The following CEP63 variants were observed in gnomAD, a reference collection of about 807,000 sequenced individuals.
The protein encoded by CEP63 is centrosomal protein of 63 kDa.
A neutral mutation model predicts 89.1 loss-of-function variants in CEP63; 84 were observed. The ratio of observed to expected loss-of-function variants is 0.94; its 90% CI spans 0.79 to 1.13. CEP63 has a LOEUF of 1.13. Ranked by LOEUF, CEP63 falls within the 50% of genes most tolerant of loss-of-function variation. CEP63 has a pLI of 0.00. For synonymous variants in CEP63, 267 were observed against 272.5 expected (o/e 0.98, Z 0.20); for missense variants, 838 against 813.3 (o/e 1.03, Z -0.37).
At chr3:134,742,346 A>C in the CEP63 span, among the ~76,000 whole-genome samples, 1 of 152,144 alleles carries the variant, frequency 6.6e-6, no homozygotes, top group Non-Finnish European at 1.5e-5. Context: ...TGTCTGGTGG[A>C]TGGCAACAAG....
the CEP63 span, among the ~76,000 whole-genome samples, chr3:134,736,848 A>G: frequency 6.6e-6 from 1 of 152,202 alleles, no homozygotes; most frequent in Non-Finnish European, 1.5e-5. Flanking sequence ...ATGGGCCAAG[A>G]ATAGTCAAGC....
At chr3:134,516,178 A>G (rs1283827159) in intron 3 of CEP63, among the ~76,000 whole-genome samples, 1 of 152,212 alleles carries the variant, frequency 6.6e-6, no homozygotes, top group East Asian at 1.9e-4. Context: ...AGAGAAGGTC[A>G]GCAGACAAAC....
chr3:134,644,207 G>T, the CEP63 span, among the ~76,000 whole-genome samples: 1 of 152,282 alleles, frequency 6.6e-6, no homozygotes, highest in South Asian at 2.1e-4. Flanking sequence ...TGTGTAGTTT[G>T]GTTCTGTTTC....
intron 1 of CEP63, among the ~76,000 whole-genome samples, chr3:134,494,977 G>A (rs529838355): frequency 6.6e-5 from 10 of 152,190 alleles, no homozygotes; most frequent in South Asian, 2.1e-4. Context: ...TTGTGTATCC[G>A]TCTGCTAGAG....
intron 1 of CEP63, among the ~76,000 whole-genome samples, chr3:134,495,059 C>A (rs996871959): frequency 6.6e-6 from 1 of 152,194 alleles, no homozygotes; most frequent in Admixed American, 6.5e-5. Flanking sequence ...TTGATATTTA[C>A]ACGGAGAGAG....
chr3:134,722,947 C>G, the CEP63 span, among the ~76,000 whole-genome samples: 1 of 152,200 alleles, frequency 6.6e-6, no homozygotes, highest in Non-Finnish European at 1.5e-5. Context: ...CCACTGCAAG[C>G]CTTTTCCAGA....
chr3:134,626,038 C>A, the CEP63 span, among the ~76,000 whole-genome samples: 3 of 152,380 alleles, frequency 2.0e-5, no homozygotes, highest in African/African-American at 4.8e-5. Context: ...GGACAGCAGA[C>A]CCCTGTCCCG....
chr3:134,532,682 G>A, intron 4 of CEP63, 96 bp from the exon 5 acceptor site: 1 of 948,328 alleles, frequency 1.1e-6, no homozygotes, highest in Non-Finnish European at 1.7e-6. Context: ...CAGTAGTACT[G>A]GTTAGCACTG....
intron 1 of CEP63, among the ~76,000 whole-genome samples, chr3:134,489,142 C>T (rs1358026200): frequency 4.3e-5 from 6 of 139,162 alleles, no homozygotes; most frequent in South Asian, 2.2e-4. Context: ...GCCTGGGTGA[C>T]GGAGCGAGAC....
chr3:134,552,506 A>T (rs1955147830), intron 12 of CEP63: 1 of 153,616 alleles, frequency 6.5e-6, no homozygotes, highest in Non-Finnish European at 1.5e-5. Context: ...CTCGGCCAGG[A>T]AGGTATTTTT....
Position 134,559,306 on chromosome 3 carries a change from G to T in CEP63, c.1830G>T (p.Arg610Ser). ...SPQISPCSST[R>S]SLTSYSLCKT... ...AAATCAGCCCTTGCAGCTCCACCAG[G>T]TCTTTGACTTCCTACTCTCTATGTA... Residue 610 changes from arginine (R) to serine (S), a missense_variant, in exon 14 of 15, where the codon AGG becomes AGT. Physicochemically the swap from Arg to Ser is moderately radical, Grantham distance 110. Transcript: ENST00000675561. The T allele has an allele frequency of 6.2e-7, 1 of 1,614,092 alleles. No individual in the cohort carries two copies.
chr3:134,776,658 T>G, the CEP63 span, among the ~76,000 whole-genome samples: 1 of 152,158 alleles, frequency 6.6e-6, no homozygotes, highest in African/African-American at 2.4e-5. Context: ...TTGGGGCAGC[T>G]GGCTGAGCCT....
the CEP63 span, among the ~76,000 whole-genome samples, chr3:134,624,229 C>T: frequency 1.3e-5 from 2 of 152,202 alleles, no homozygotes; most frequent in African/African-American, 4.8e-5. Flanking sequence ...CCCCTCTGCC[C>T]CTAGCTCAGG....
chr3:134,676,035 TAC>T, the CEP63 span, among the ~76,000 whole-genome samples: 1 of 152,224 alleles, frequency 6.6e-6, no homozygotes, highest in South Asian at 2.1e-4. Flanking sequence ...CTCCTAGGTA[TAC>T]ACCCAAGAGA....
At chr3:134,746,842 G>A in the CEP63 span, among the ~76,000 whole-genome samples, 1 of 152,112 alleles carries the variant, frequency 6.6e-6, no homozygotes, top group Non-Finnish European at 1.5e-5. Flanking sequence ...TGTCAGATGG[G>A]TAGATTGCAA....
chr3:134,539,126 C>G (rs1951471302), intron 6 of CEP63, among the ~76,000 whole-genome samples: 1 of 152,148 alleles, frequency 6.6e-6, no homozygotes, highest in African/African-American at 2.4e-5. Context: ...TTCAGTGATT[C>G]AGTATATACC....
chr3:134,733,354 AGAC>A, the CEP63 span, among the ~76,000 whole-genome samples: 1 of 128,910 alleles, frequency 7.8e-6, no homozygotes, highest in Non-Finnish European at 1.6e-5. Context: ...TAAAACTACT[AGAC>A]TTTAAAGACA....
At chr3:134,703,175 A>T in the CEP63 span, among the ~76,000 whole-genome samples, 28 of 151,630 alleles carry the variant, frequency 1.8e-4, no homozygotes, top group African/African-American at 6.8e-4. Context: ...GGGTGCCTGT[A>T]GTCCCAGCTA....
the CEP63 span, among the ~76,000 whole-genome samples, chr3:134,758,104 G>A: frequency 6.6e-6 from 1 of 152,012 alleles, no homozygotes; most frequent in Non-Finnish European, 1.5e-5. Context: ...CCTGTTACAC[G>A]CTTCTATCAC....
Sources: allele counts gnomAD v4.1 joint callset (sites outside exome capture counted in the v4.1 genomes callset), GRCh38; gene constraint gnomAD v4.1.1; transcripts MANE v1.5; gene names NCBI Gene and HGNC (gene_info 2026-07-23, HGNC 2026-07-21).